SLC41A3: variants seen among roughly 807,000 people sequenced by gnomAD.
SLC41A3 encodes the protein SLC41A1-like 2.
A neutral mutation model predicts 45.4 loss-of-function variants in SLC41A3; 44 were observed. The observed-to-expected ratio is 0.97, with a 90% CI of 0.76 to 1.25. The LOEUF (loss-of-function observed/expected upper bound fraction) is 1.25, where lower values mean the gene tolerates loss of function less well. Among genes scored for constraint, SLC41A3 ranks in the 50% most tolerant of loss-of-function variants. The probability of loss-of-function intolerance (pLI) is 0.00; values close to 1 mark genes in which losing one functional copy is unlikely to be tolerated. For missense variants in SLC41A3, 550 were observed against 600.6 expected (o/e 0.92, Z 0.88); for synonymous variants, 256 against 252.4 (o/e 1.01, Z -0.13).
At chr3:126,098,594 G>A (rs1332337850) in intron 1 of SLC41A3, among the ~76,000 whole-genome samples, 1 of 152,248 alleles carries the variant, frequency 6.6e-6, no homozygotes, top group African/African-American at 2.4e-5. Context: ...CTCCCAGATG[G>A]ACCACGGGGG....
At chr3:126,048,460 G>C (rs9849600) in intron 3 of SLC41A3, among the ~76,000 whole-genome samples, 8,264 of 152,100 alleles carry the variant, frequency 0.054, 697 homozygotes, top group African/African-American at 0.18. Context: ...TAGATGTTTT[G>C]AAACTGGCCT....
At chr3:126,056,591 A>C (rs778863533) in intron 2 of SLC41A3, 35 of 1,594,008 alleles carry the variant, frequency 2.2e-5, no homozygotes, top group Non-Finnish European at 2.8e-5. Flanking sequence ...GCACGAAGTC[A>C]GAGCCTGGGG....
chr3:126,026,489 A>G lies in SLC41A3; in HGVS notation c.454-10T>C. ...CGACAGTGGCCTGCACCTGTTGGAC[A>G]GAAATCAGAAGCATGAAGGGGGGCC... On this transcript the variant is annotated splice_polypyrimidine_tract_variant and intron_variant, in intron 4 of 10. Transcript: ENST00000360370. This position sits in a 1 kb window ranked among gnomAD's most constrained non-coding sequence, Gnocchi z 4.2. 1 of 1,598,580 alleles carries G rather than the reference A, an allele frequency of 6.3e-7. No individual in the cohort carries two copies. The highest frequency in any genetic ancestry group is 1.1e-5 in the South Asian group (1 of 88,372).
chr3:126,034,118 T>C (rs1942012911), intron 3 of SLC41A3, among the ~76,000 whole-genome samples: 1 of 152,184 alleles, frequency 6.6e-6, no homozygotes, highest in African/African-American at 2.4e-5. Context: ...AAGCCCAGTC[T>C]TTGGCCAGGT....
intron 5 of SLC41A3, chr3:126,024,352 C>T (rs1207178470): frequency 6.6e-6 from 1 of 152,240 alleles, no homozygotes; most frequent in South Asian, 2.1e-4. Context: ...AGACTTTATG[C>T]TGAGGGTCTC....
chr3:126,033,240 C>T (rs1422988971), intron 4 of SLC41A3, among the ~76,000 whole-genome samples: 1 of 152,216 alleles, frequency 6.6e-6, no homozygotes, highest in Non-Finnish European at 1.5e-5. Context: ...GAGGCAATTA[C>T]AGGTTGCCTC....
At chr3:126,062,834 C>T (rs1944141951) in intron 2 of SLC41A3, among the ~76,000 whole-genome samples, 1 of 152,198 alleles carries the variant, frequency 6.6e-6, no homozygotes, top group African/African-American at 2.4e-5. Context: ...AGCAAGCCAA[C>T]TCAAACAGGC....
At position 126,026,241 on chromosome 3, in the gene SLC41A3, C is replaced by T; in HGVS notation, c.598+94G>A. 1 of 1,496,220 alleles carries T rather than the reference C, an allele frequency of 6.7e-7. No homozygotes were observed. Among genetic ancestry groups the T allele is most frequent in the South Asian group, 1.3e-5 (1 of 74,886 alleles). The allele number at this position is 1,496,220 out of a possible 1,614,324, so 92.7% of individuals were successfully genotyped here. A position where few individuals can be genotyped will look rare whatever the true frequency, so the allele number is the denominator to read the frequency against. On this transcript the variant is annotated intron_variant, in intron 5 of 10. Transcript: ENST00000360370. This position sits in a 1 kb window ranked among gnomAD's most constrained non-coding sequence, Gnocchi z 4.2. ...CATCAGTCCCATTAGCAGTGGGACTCACACCCCCAGAAACTGAAAACACAA... is the reference window on the plus strand; with the variant it reads ...CATCAGTCCCATTAGCAGTGGGACTTACACCCCCAGAAACTGAAAACACAA...
At chr3:126,038,300 C>T (rs1942352257) in intron 3 of SLC41A3, among the ~76,000 whole-genome samples, 1 of 152,246 alleles carries the variant, frequency 6.6e-6, no homozygotes, top group Non-Finnish European at 1.5e-5. Context: ...ACCCTCCATA[C>T]CCTAGAATAG....
intron 8 of SLC41A3, among the ~76,000 whole-genome samples, chr3:126,014,831 C>G (rs1471048163): frequency 6.6e-6 from 1 of 152,182 alleles, no homozygotes; most frequent in Non-Finnish European, 1.5e-5. Context: ...TTATCAGACA[C>G]CAGACACCAA....
At chr3:126,068,617 T>C (rs1377024550) in intron 1 of SLC41A3, among the ~76,000 whole-genome samples, 1 of 152,182 alleles carries the variant, frequency 6.6e-6, no homozygotes, top group Admixed American at 6.5e-5. Context: ...GGAATACCCA[T>C]TCAAGAAAAA....
chr3:126,065,833 C>G (rs770679214), intron 2 of SLC41A3, among the ~76,000 whole-genome samples: 10 of 152,134 alleles, frequency 6.6e-5, no homozygotes, highest in African/African-American at 9.7e-5. Flanking sequence ...ATATACAAAG[C>G]CCCTAGGTAT....
chr3:126,022,915 TAC>T lies in SLC41A3; in HGVS notation c.614_615del (p.Cys205TyrfsTer36). 6.2e-7 allele frequency: 1 copy of T among 1,614,140 alleles called. No homozygotes were observed. Among genetic ancestry groups the T allele is most frequent in the Non-Finnish European group, 8.5e-7 (1 of 1,180,024 alleles). ...AAFALGVLMV[C>X]IVIGARKLGV... ...CCGAGCTTTCGAGCACCAATCACTATACAGACCATCAGCACCCCTGCAGAGAG... is the reference window on the plus strand; with the variant it reads ...CCGAGCTTTCGAGCACCAATCACTATAGACCATCAGCACCCCTGCAGAGAG... On this transcript the variant is annotated frameshift_variant, in exon 6 of 11. Transcript: ENST00000360370. LOFTEE classifies it high-confidence loss of function.
chr3:126,015,531 C>A lies in SLC41A3; in HGVS notation c.933G>T (p.Gln311His). 1 of 1,614,236 alleles carries A rather than the reference C, an allele frequency of 6.2e-7. No individual in the cohort carries two copies. The highest frequency in any genetic ancestry group is 8.5e-7 in the Non-Finnish European group (1 of 1,180,036). ...LILSKTVSKQ[Q>H]YKGMAIFTPV... Reference sequence around the variant, plus strand: ...GGGTAAATATCGCCATGCCTTTGTACTGCTGTTTAGAAACGGTTTTGCTCA... The same window carrying A: ...GGGTAAATATCGCCATGCCTTTGTAATGCTGTTTAGAAACGGTTTTGCTCA... Residue 311 changes from glutamine (Q) to histidine (H), a missense_variant, in exon 8 of 11, where the codon CAG becomes CAT. Gln to His is a conservative substitution (Grantham distance 24). Transcript: ENST00000360370.
chr3:126,068,975 C>T (rs1441747936), intron 1 of SLC41A3, among the ~76,000 whole-genome samples: 1 of 152,106 alleles, frequency 6.6e-6, no homozygotes. Context: ...CTGGGGTGAA[C>T]AACAGACTAA....
intron 7 of SLC41A3, 47 bp from the exon 8 acceptor site, chr3:126,015,620 C>G: frequency 6.3e-7 from 1 of 1,581,522 alleles, no homozygotes; most frequent in Non-Finnish European, 8.7e-7. Context: ...TTTACACTTA[C>G]AGTGGCCCTG....
chr3:126,030,825 A>G (rs1226010132), intron 4 of SLC41A3, among the ~76,000 whole-genome samples: 1 of 152,250 alleles, frequency 6.6e-6, no homozygotes, highest in Admixed American at 6.5e-5. Flanking sequence ...TATAAAATAC[A>G]TATTGACAAG....
At chr3:126,098,361 A>T (rs2365012) in intron 1 of SLC41A3, among the ~76,000 whole-genome samples, 48,501 of 152,084 alleles carry the variant, frequency 0.32, 7,894 homozygotes, top group Non-Finnish European at 0.35. Context: ...AGGCCTCATC[A>T]GACAGAATCC....
At position 126,026,027 on chromosome 3, in the gene SLC41A3, G is replaced by A. The variant is rs140570587; in HGVS notation, c.598+308C>T. On this transcript the variant is annotated intron_variant, in intron 5 of 10. Transcript: ENST00000360370. This position sits in a 1 kb window ranked among gnomAD's most constrained non-coding sequence, Gnocchi z 4.2. ...ATGAACAAGCCTGCTCTGTGCAGGT[G>A]TCAGGCCTCAGCACGGGAGTGTGAC... is the stretch of plus-strand genomic sequence containing the variant. Among the ~76,000 whole-genome samples, 245 of 152,338 alleles carry A rather than the reference G, an allele frequency of 1.6e-3. 1 individual carries two copies. The highest frequency in any genetic ancestry group is 5.7e-3 in the African/African-American group (239 of 41,576).
Sources: allele counts gnomAD v4.1 joint callset (sites outside exome capture counted in the v4.1 genomes callset), GRCh38; gene constraint gnomAD v4.1.1; non-coding constraint Gnocchi (gnomAD v3.1); transcripts MANE v1.5; gene names NCBI Gene and HGNC (gene_info 2026-07-23, HGNC 2026-07-21).